The following TMEM108 variants were observed in gnomAD, a reference collection of about 807,000 sequenced individuals.
The protein encoded by TMEM108 is cancer/testis antigen 124.
A neutral mutation model predicts 35.1 loss-of-function variants in TMEM108; 12 were observed. The observed-to-expected ratio is 0.34, with a 90% CI of 0.22 to 0.55. The LOEUF is 0.55. Ranked by LOEUF, TMEM108 falls within the 20% of genes least tolerant of loss-of-function variation. TMEM108 has a pLI of 0.89. For missense variants in TMEM108, 680 were observed against 753.3 expected (o/e 0.90, Z 1.14); for synonymous variants, 287 against 308.6 (o/e 0.93, Z 0.73).
chr3:133,172,399 G>C (rs1205106806), intron 2 of TMEM108, among the ~76,000 whole-genome samples: 1 of 152,148 alleles, frequency 6.6e-6, no homozygotes, highest in Non-Finnish European at 1.5e-5. Context: ...TAACAAATGA[G>C]GTTCTAGTAG....
At chr3:133,211,342 C>G (rs929878946) in intron 2 of TMEM108, among the ~76,000 whole-genome samples, 1 of 152,006 alleles carries the variant, frequency 6.6e-6, no homozygotes, top group Non-Finnish European at 1.5e-5. Flanking sequence ...ATTTTTAGGT[C>G]CCTGAATTCA....
chr3:133,168,055 T>G (rs1303817808), intron 2 of TMEM108, among the ~76,000 whole-genome samples: 2 of 152,216 alleles, frequency 1.3e-5, no homozygotes, highest in African/African-American at 4.8e-5. Flanking sequence ...GTCAGTCTTA[T>G]GATCTCTGTT....
chr3:133,210,823 C>G (rs186118479), intron 2 of TMEM108, among the ~76,000 whole-genome samples: 11 of 152,268 alleles, frequency 7.2e-5, no homozygotes, highest in Admixed American at 7.2e-4. Flanking sequence ...CTCTTGCTCA[C>G]GTATTTTCCA....
intron 2 of TMEM108, among the ~76,000 whole-genome samples, chr3:133,049,944 G>A (rs557357483): frequency 2.0e-4 from 31 of 152,258 alleles, no homozygotes; most frequent in African/African-American, 7.0e-4. Flanking sequence ...AGTCTCTAAA[G>A]CAAGTTTTCC....
chr3:133,316,491 C>T (rs2107715250), intron 3 of TMEM108, among the ~76,000 whole-genome samples: 1 of 152,322 alleles, frequency 6.6e-6, no homozygotes, highest in South Asian at 2.1e-4. Flanking sequence ...TGAAAGTGTG[C>T]TGTACTATCA....
chr3:133,069,331 A>G (rs1217276494), intron 2 of TMEM108, among the ~76,000 whole-genome samples: 1 of 152,222 alleles, frequency 6.6e-6, no homozygotes. Context: ...GGGTCTTTAC[A>G]TAAGAGAACC....
intron 2 of TMEM108, among the ~76,000 whole-genome samples, chr3:133,100,738 A>G (rs1195879367): frequency 6.6e-6 from 1 of 152,248 alleles, no homozygotes; most frequent in Admixed American, 6.5e-5. Context: ...TGAAGTCTGA[A>G]ACCTGGAAGC....
chr3:133,070,114 C>T (rs1943658821), intron 2 of TMEM108, among the ~76,000 whole-genome samples: 1 of 152,114 alleles, frequency 6.6e-6, no homozygotes, highest in African/African-American at 2.4e-5. Context: ...CCTGCTTCCT[C>T]TGGAAGCACT....
intron 3 of TMEM108, among the ~76,000 whole-genome samples, chr3:133,284,889 T>C (rs964478893): frequency 6.6e-6 from 1 of 152,220 alleles, no homozygotes; most frequent in African/African-American, 2.4e-5. Context: ...CTTGAATCAC[T>C]ACCTAAGGCT....
intron 3 of TMEM108, among the ~76,000 whole-genome samples, chr3:133,298,749 G>A (rs1947179248): frequency 6.6e-6 from 1 of 152,206 alleles, no homozygotes; most frequent in South Asian, 2.1e-4. Context: ...ACACAGAGTT[G>A]TGAGTGACAG....
intron 2 of TMEM108, among the ~76,000 whole-genome samples, chr3:133,052,408 G>T (rs908847133): frequency 1.3e-5 from 2 of 151,438 alleles, no homozygotes; most frequent in Non-Finnish European, 2.9e-5. Flanking sequence ...TTCTACCCAG[G>T]TGATCATATT....
At chr3:133,338,151 T>C (rs989867814) in intron 3 of TMEM108, among the ~76,000 whole-genome samples, 1 of 152,092 alleles carries the variant, frequency 6.6e-6, no homozygotes, top group Non-Finnish European at 1.5e-5. Context: ...TTGAAAGGGA[T>C]AATAACAGAG....
chr3:133,097,687 A>G (rs1221783622), intron 2 of TMEM108, among the ~76,000 whole-genome samples: 1 of 152,128 alleles, frequency 6.6e-6, no homozygotes, highest in African/African-American at 2.4e-5. Flanking sequence ...TGTAGAATTC[A>G]TTTGTAGTTT....
At chr3:133,059,671 C>T (rs997243119) in intron 2 of TMEM108, among the ~76,000 whole-genome samples, 2 of 152,186 alleles carry the variant, frequency 1.3e-5, no homozygotes, top group Non-Finnish European at 2.9e-5. Context: ...GAGTTAGGCT[C>T]ATAATTGGGA....
At position 133,104,365 on chromosome 3, in the gene TMEM108, G is replaced by C. The variant is rs574395812; in HGVS notation, c.-47+58345G>C. 3.9e-5 allele frequency among the ~76,000 whole-genome samples: 6 copies of C among 152,302 alleles called. No individual in the cohort carries two copies. In the East Asian group the frequency reaches 1.2e-3, roughly 29 times the overall value. On this transcript the variant is annotated intron_variant, in intron 2 of 5. Transcript: ENST00000321871. ...CAAAATAGAGCTTTATTTGTCTGTA[G>C]CTGAATGTTTCTCACCTCTTGAATT...
intron 3 of TMEM108, among the ~76,000 whole-genome samples, chr3:133,353,905 T>C (rs550810751): frequency 1.1e-3 from 164 of 152,338 alleles, no homozygotes; most frequent in South Asian, 2.1e-3. Flanking sequence ...AGGCACATGG[T>C]CTCTTCCAAA....
chr3:133,365,036 T>A (rs572306289), intron 3 of TMEM108, among the ~76,000 whole-genome samples: 2 of 152,138 alleles, frequency 1.3e-5, no homozygotes, highest in African/African-American at 2.4e-5. Context: ...CAGGAACCAG[T>A]CATTGGATAC....
rs368041885 is a variant in TMEM108 at position 133,289,496 on chromosome 3, A to G, written c.40+60145A>G. Among the ~76,000 whole-genome samples the G allele has an allele frequency of 8.5e-4, 130 of 152,306 alleles. 2 individuals are homozygous for G. In the South Asian group the frequency reaches 0.016, roughly 19 times the overall value. On this transcript the variant is annotated intron_variant, in intron 3 of 5. Transcript: ENST00000321871. ...ACTAGCTCAAATTCACAGTTTCCAC[A>G]TTAGATCTCACTACCTTCCTTTTGA...
In TMEM108 at chr3:133,192,243, G is replaced by A. The variant is rs116252435; in HGVS notation, c.-46-37023G>A. 9.7e-3 allele frequency among the ~76,000 whole-genome samples: 1,484 copies of A among 152,228 alleles called. 26 individuals are homozygous for A. Among genetic ancestry groups the A allele is most frequent in the African/African-American group, 0.033 (1,377 of 41,554 alleles). On this transcript the variant is annotated intron_variant, in intron 2 of 5. Transcript: ENST00000321871. ...TTATTGAAAGAGTAAGTCCATTACCGAAATATAAAAGCAGTTGAAATATGT... is the reference window on the plus strand; with the variant it reads ...TTATTGAAAGAGTAAGTCCATTACCAAAATATAAAAGCAGTTGAAATATGT...
Sources: allele counts gnomAD v4.1 joint callset (sites outside exome capture counted in the v4.1 genomes callset), GRCh38; gene constraint gnomAD v4.1.1; transcripts MANE v1.5; gene names NCBI Gene and HGNC (gene_info 2026-07-23, HGNC 2026-07-21).